The following EPM2A variants were observed in gnomAD, a reference collection of about 807,000 sequenced individuals.
The protein encoded by EPM2A is laforin.
A neutral mutation model predicts 26.5 loss-of-function variants in EPM2A; 21 were observed. That is an observed-to-expected ratio of 0.79 (90% CI 0.56 to 1.14). EPM2A has a LOEUF of 1.14. Ranked by LOEUF, EPM2A falls within the 50% of genes most tolerant of loss-of-function variation. The pLI is 0.00. For missense variants in EPM2A, 458 were observed against 440.8 expected (o/e 1.04, Z -0.35); for synonymous variants, 217 against 177.6 (o/e 1.22, Z -1.76).
At chr6:145,517,373 C>A (rs1382323013) in intron 2 of EPM2A, among the ~76,000 whole-genome samples, 1 of 152,042 alleles carries the variant, frequency 6.6e-6, no homozygotes, top group African/African-American at 2.4e-5. Context: ...AAATAAATAA[C>A]ACAGGAACAA....
At position 145,671,067 on chromosome 6, in the gene EPM2A, T is replaced by C. The variant is rs372477003; in HGVS notation, c.476+15055A>G. On this transcript the variant is annotated intron_variant, in intron 2 of 3. Transcript: ENST00000367519. ...TAGTGTCTATCTTTGCCCAGTAATGTCTTGACTGTGAACTATAGAAGCAGG... is the reference window on the plus strand; with the variant it reads ...TAGTGTCTATCTTTGCCCAGTAATGCCTTGACTGTGAACTATAGAAGCAGG... 13 of 985,166 alleles carry C rather than the reference T, an allele frequency of 1.3e-5. No individual in the cohort carries two copies. The South Asian group carries it at 2.8e-4, about 21-fold the overall frequency. 61.0% of individuals were successfully genotyped at this position (985,166 alleles called of 1,614,324 possible).
Position 145,735,383 on chromosome 6 carries a change from C to A in EPM2A, c.116G>T (p.Arg39Leu). 1 of 864,822 alleles carries A rather than the reference C, an allele frequency of 1.2e-6. No homozygotes were observed. The highest frequency in any genetic ancestry group is 1.4e-6 in the Non-Finnish European group (1 of 697,438). 53.6% of individuals were successfully genotyped at this position (864,822 alleles called of 1,614,324 possible). The change falls in exon 1 of 4, where the codon CGC becomes CTC. Residue 39 changes from arginine (R) to leucine (L), a missense_variant. By Grantham distance (102) the Arg-to-Leu change is moderately radical. Transcript: ENST00000367519. ...LGRWEPRGAV[R>L]LRPAGTAAGD... ...CGCCGCGGTGCCGGCCGGCCTCAGG[C>A]GGACGGCACCGCGCGGCTCCCAACG...
intron 4 of EPM2A, among the ~76,000 whole-genome samples, chr6:145,419,899 C>G (rs1343309593): frequency 6.6e-6 from 1 of 151,846 alleles, no homozygotes; most frequent in Non-Finnish European, 1.5e-5. Context: ...TAAAATGAAA[C>G]AAACATTGAA....
intron 1 of EPM2A, among the ~76,000 whole-genome samples, chr6:145,695,483 A>G (rs1781519562): frequency 6.6e-6 from 1 of 151,348 alleles, no homozygotes; most frequent in East Asian, 1.9e-4. Context: ...GAATTCTCCA[A>G]TCAAAAGATA....
chr6:145,387,195 T>C (rs1778274217), intron 4 of EPM2A, among the ~76,000 whole-genome samples: 1 of 152,194 alleles, frequency 6.6e-6, no homozygotes, highest in African/African-American at 2.4e-5. Context: ...AGCTTTGTTC[T>C]GTTTGCAGGA....
intron 3 of EPM2A, chr6:145,502,448 T>C (rs957755868): frequency 2.2e-6 from 1 of 462,588 alleles, no homozygotes; most frequent in East Asian, 7.0e-5. Context: ...CCCCCAAATA[T>C]ATGACTTTCC....
At chr6:145,575,649 T>C (rs1413207528) in intron 2 of EPM2A, among the ~76,000 whole-genome samples, 2 of 152,180 alleles carry the variant, frequency 1.3e-5, no homozygotes, top group African/African-American at 4.8e-5. Flanking sequence ...GTATTATGTA[T>C]AGAGTCACTA....
intron 4 of EPM2A, among the ~76,000 whole-genome samples, chr6:145,386,862 T>G (rs1234498789): frequency 6.6e-6 from 1 of 152,184 alleles, no homozygotes; most frequent in African/African-American, 2.4e-5. Context: ...TTCCTTTTCT[T>G]AGACTCTTTT....
At chr6:145,531,016 C>A (rs533976517) in intron 2 of EPM2A, among the ~76,000 whole-genome samples, 1 of 152,282 alleles carries the variant, frequency 6.6e-6, no homozygotes, top group East Asian at 1.9e-4. Flanking sequence ...TTCTTTCTCT[C>A]CTTTGCAGCA....
intron 4 of EPM2A, among the ~76,000 whole-genome samples, chr6:145,467,131 CTTAAAGTATAATAATAATAAATA>C (rs927716140): frequency 6.6e-6 from 1 of 151,822 alleles, no homozygotes; most frequent in Non-Finnish European, 1.5e-5. Flanking sequence ...TACCCTAAAA[CTTAAAGTATAATAATAATAAATA>C]AATAAATAAA....
At position 145,398,671 on chromosome 6, in the gene EPM2A, C is replaced by T. The variant is rs954991328; in HGVS notation, c.556-14574G>A. Among the ~76,000 whole-genome samples, 54 of 151,972 alleles carry T rather than the reference C, an allele frequency of 3.6e-4. 1 individual carries two copies. On this transcript the variant is annotated intron_variant, in intron 4 of 4. Transcript: ENST00000638717. ...AGTCAGGAGTTCAAGACCCGCCTCA[C>T]CAACATGGCGAAACCCCATCTCTAC...
At chr6:145,478,040 C>T (rs1478338374) in intron 4 of EPM2A, among the ~76,000 whole-genome samples, 1 of 151,486 alleles carries the variant, frequency 6.6e-6, no homozygotes, top group Non-Finnish European at 1.5e-5. Flanking sequence ...CCTAAAGATT[C>T]CACAAGAAAA....
intron 1 of EPM2A, among the ~76,000 whole-genome samples, chr6:145,716,434 A>G (rs917168347): frequency 3.9e-5 from 6 of 152,188 alleles, no homozygotes; most frequent in Admixed American, 1.3e-4. Flanking sequence ...GGTGTGGCCT[A>G]GAAAATTTAC....
At chr6:145,580,280 T>A (rs1156235096) in intron 2 of EPM2A, among the ~76,000 whole-genome samples, 1 of 152,134 alleles carries the variant, frequency 6.6e-6, no homozygotes, top group Non-Finnish European at 1.5e-5. Flanking sequence ...AAAACAAGCA[T>A]AATTTATCAT....
At position 145,650,891 on chromosome 6, in the gene EPM2A, C is replaced by T. The variant is rs140940899; in HGVS notation, c.477-15405G>A. Among the ~76,000 whole-genome samples, 638 of 152,240 alleles carry T rather than the reference C, an allele frequency of 4.2e-3. 7 individuals carry two copies. Among genetic ancestry groups the T allele is most frequent in the African/African-American group, 0.015 (610 of 41,548 alleles). ...TGCTAGATAATTGTTTATCGTTGAG[C>T]AAAGCTTTACAATTTCTACTTATGC... On this transcript the variant is annotated intron_variant, in intron 2 of 3. Coordinates refer to ENST00000367519, the MANE Select transcript of EPM2A (RefSeq NM_005670.4).
intron 2 of EPM2A, among the ~76,000 whole-genome samples, chr6:145,586,791 T>C (rs900959889): frequency 6.6e-6 from 1 of 152,162 alleles, no homozygotes; most frequent in Admixed American, 6.6e-5. Context: ...AAAGGGATAA[T>C]TGTAGATATG....
chr6:145,525,161 G>A (rs1780253636), intron 2 of EPM2A, among the ~76,000 whole-genome samples: 1 of 151,984 alleles, frequency 6.6e-6, no homozygotes, highest in Non-Finnish European at 1.5e-5. Context: ...ATGCTGTATT[G>A]TTTACTGCAG....
chr6:145,552,338 T>C (rs781596650), intron 2 of EPM2A, among the ~76,000 whole-genome samples: 54 of 151,934 alleles, frequency 3.6e-4, no homozygotes, highest in Non-Finnish European at 7.4e-5. Flanking sequence ...GAAACACTTT[T>C]AAAAGCTTCC....
rs984588181 is a variant in EPM2A, at chr6:145,384,766, G to A, written c.556-669C>T. ...AATATGCATGTGGATATGCATCCAA[G>A]TACAGATCATCACTAACAGAGGTCA... On this transcript the variant is annotated intron_variant, in intron 4 of 4. Transcript: ENST00000638717. 6.8e-5 allele frequency among the ~76,000 whole-genome samples: 10 copies of A among 147,596 alleles called. 2 individuals carry two copies. The East Asian group carries it at 2.0e-3, about 29-fold the overall frequency.
Sources: gnomAD v4.1 joint callset for allele counts (sites outside exome capture counted in the v4.1 genomes callset) on GRCh38, gnomAD v4.1.1 for gene constraint, MANE v1.5 for transcripts, NCBI Gene and HGNC (gene_info 2026-07-23, HGNC 2026-07-21) for gene names.